The following ATXN1 variants were observed in gnomAD, a reference collection of about 807,000 sequenced individuals.
ATXN1 encodes ataxin 1, also known as ataxin-1.
A neutral mutation model predicts 56.4 loss-of-function variants in ATXN1; 8 were observed. The observed-to-expected ratio is 0.14, with a 90% CI of 0.08 to 0.26. The LOEUF (loss-of-function observed/expected upper bound fraction) is 0.26, where lower values mean the gene tolerates loss of function less well. Among genes scored for constraint, ATXN1 ranks in the 10% least tolerant of loss-of-function variants. The pLI is 1.00. For missense variants in ATXN1, 987 were observed against 1,106.5 expected, an observed-to-expected ratio of 0.89 and a Z score of 1.53; for synonymous variants, 514 against 494.6, an observed-to-expected ratio of 1.04 and a Z score of -0.52.
At chr6:16,721,577 T>A (rs1759745989) in intron 2 of ATXN1, among the ~76,000 whole-genome samples, 1 of 152,128 alleles carries the variant, frequency 6.6e-6, no homozygotes, top group Non-Finnish European at 1.5e-5. Flanking sequence ...CAGTGAGCTA[T>A]GATCATGCCA....
chr6:16,306,472 T>C lies in ATXN1; in HGVS notation c.2305A>G (p.Thr769Ala), dbSNP rs1760252900. 1.2e-6 allele frequency: 2 copies of C among 1,614,108 alleles called. No individual in the cohort carries two copies. Among genetic ancestry groups the C allele is most frequent in the Admixed American group, 3.3e-5 (2 of 60,010 alleles). Residue 769 changes from threonine (T) to alanine (A), a missense_variant, in exon 8 of 8, where the codon ACG (threonine) becomes GCG (alanine). Coordinates refer to ENST00000436367, the MANE Select transcript of ATXN1 (RefSeq NM_001128164.2). This position sits in a 1 kb window ranked among gnomAD's most constrained non-coding sequence, Gnocchi z 5.2. ...GGCGCCGACCACCTCCTCTTCCTCGTTGCCGCGGGCTTGCTGGGTTCTATT... is the reference window on the plus strand; with the variant it reads ...GGCGCCGACCACCTCCTCTTCCTCGCTGCCGCGGGCTTGCTGGGTTCTATT... ...TKIEPSKPAA[T>A]RKRRWSAPES...
chr6:16,572,316 CAAT>C (rs1399920152), intron 4 of ATXN1, among the ~76,000 whole-genome samples: 2 of 152,126 alleles, frequency 1.3e-5, no homozygotes, highest in Non-Finnish European at 2.9e-5. Context: ...TGTTAAGAAA[CAAT>C]GATGTATAAT....
chr6:16,451,995 C>G (rs1005302012), intron 6 of ATXN1, among the ~76,000 whole-genome samples: 14 of 152,330 alleles, frequency 9.2e-5, no homozygotes, highest in African/African-American at 3.1e-4. Flanking sequence ...TGTGCCCTCA[C>G]TAGGGAAGTC....
At chr6:16,459,112 A>T (rs980409624) in intron 6 of ATXN1, among the ~76,000 whole-genome samples, 1 of 152,192 alleles carries the variant, frequency 6.6e-6, no homozygotes, top group Non-Finnish European at 1.5e-5. Context: ...TGCTCTTTTC[A>T]CATGCTTTTC....
At position 16,524,266 on chromosome 6, in the gene ATXN1, T is replaced by C. The variant is rs184495057; in HGVS notation, c.-360-1578A>G. Among the ~76,000 whole-genome samples the C allele has an allele frequency of 6.3e-4, 96 of 152,306 alleles. 1 individual carries two copies. The highest frequency in any genetic ancestry group is 5.7e-3 in the Admixed American group (87 of 15,308). On this transcript the variant is annotated intron_variant, in intron 4 of 7. Transcript: ENST00000436367. Reference sequence around the variant, plus strand: ...TGACACTTACTATGCAGTCAGACTATCCTAGGCTAGGTGGGGCTGCAAAGA... The same window carrying C: ...TGACACTTACTATGCAGTCAGACTACCCTAGGCTAGGTGGGGCTGCAAAGA...
intron 6 of ATXN1, among the ~76,000 whole-genome samples, chr6:16,460,127 C>A (rs1170676124): frequency 2.6e-5 from 4 of 152,138 alleles, no homozygotes; most frequent in Admixed American, 2.6e-4. Context: ...ATACTCTAAT[C>A]AAGGAGACCG....
chr6:16,532,387 T>C (rs931802868), intron 4 of ATXN1, among the ~76,000 whole-genome samples: 2 of 152,094 alleles, frequency 1.3e-5, no homozygotes, highest in Admixed American at 1.3e-4. Context: ...CAGTGGTAAG[T>C]CTCTACATAT....
At position 16,659,233 on chromosome 6, in the gene ATXN1, C is replaced by T. The variant is rs149499794; in HGVS notation, c.-614-1332G>A. ...TTTTATTTTTTGGATGCTATCAGTA[C>T]CCACAGAAAATGGGGTTGTAAGGAT... is the stretch of plus-strand genomic sequence containing the variant. On this transcript the variant is annotated intron_variant, in intron 2 of 7. Coordinates refer to ENST00000436367, the MANE Select transcript of ATXN1 (RefSeq NM_001128164.2). Among the ~76,000 whole-genome samples, 1,390 of 152,248 alleles carry T rather than the reference C, an allele frequency of 9.1e-3. 20 individuals are homozygous for T. Among genetic ancestry groups the T allele is most frequent in the African/African-American group, 0.031 (1,278 of 41,518 alleles).
chr6:16,576,280 A>G (rs934348702), intron 4 of ATXN1, among the ~76,000 whole-genome samples: 1 of 152,236 alleles, frequency 6.6e-6, no homozygotes, highest in East Asian at 1.9e-4. Flanking sequence ...GTATTTTCCA[A>G]ACAAAGCTGT....
chr6:16,617,774 A>AAAAAAAG (rs1554120384), intron 3 of ATXN1, among the ~76,000 whole-genome samples: 4 of 93,850 alleles, frequency 4.3e-5, no homozygotes, highest in Non-Finnish European at 9.2e-5. Flanking sequence ...CTCAAAAAAA[A>AAAAAAAG]AAAAAAAAGA....
At chr6:16,537,905 C>T (rs930477655) in intron 4 of ATXN1, among the ~76,000 whole-genome samples, 10 of 152,016 alleles carry the variant, frequency 6.6e-5, no homozygotes, top group African/African-American at 2.4e-4. Context: ...GAGTTTGAGA[C>T]CAGCCTGGCC....
At chr6:16,634,994 C>T (rs1763569492) in intron 3 of ATXN1, among the ~76,000 whole-genome samples, 2 of 152,148 alleles carry the variant, frequency 1.3e-5, no homozygotes, top group Non-Finnish European at 2.9e-5. Context: ...CCCTGGGCTA[C>T]AGACCTCCTG....
At chr6:16,652,099 A>G (rs1763904728) in intron 3 of ATXN1, 1 of 152,238 alleles carries the variant, frequency 6.6e-6, no homozygotes, top group Non-Finnish European at 1.5e-5. Flanking sequence ...TCTCTGAAGG[A>G]CTTAGACAAT....
At chr6:16,384,677 T>G (rs1047374267) in intron 6 of ATXN1, among the ~76,000 whole-genome samples, 7 of 152,222 alleles carry the variant, frequency 4.6e-5, no homozygotes, top group African/African-American at 1.2e-4. Context: ...TGAGTTCTCA[T>G]GAGATCTGGT....
intron 5 of ATXN1, among the ~76,000 whole-genome samples, chr6:16,520,515 T>C (rs1214290862): frequency 2.6e-5 from 4 of 152,128 alleles, no homozygotes; most frequent in Admixed American, 2.6e-4. Context: ...CTCAGACCCT[T>C]CTCTACCAGT....
chr6:16,678,257 C>CTTGGA (rs1581357024), intron 2 of ATXN1, among the ~76,000 whole-genome samples: 1 of 60,072 alleles, frequency 1.7e-5, no homozygotes, highest in East Asian at 3.3e-4. Flanking sequence ...TCTTGGATAT[C>CTTGGA]TATTTTAATT....
At chr6:16,467,516 G>A (rs929602582) in intron 6 of ATXN1, among the ~76,000 whole-genome samples, 4 of 152,128 alleles carry the variant, frequency 2.6e-5, no homozygotes, top group African/African-American at 9.7e-5. Flanking sequence ...GATGGAGGGA[G>A]CATTATAGAA....
chr6:16,429,721 G>C (rs1173244956), intron 6 of ATXN1, among the ~76,000 whole-genome samples: 1 of 152,122 alleles, frequency 6.6e-6, no homozygotes, highest in Admixed American at 6.5e-5. Context: ...CCTGGCTGGA[G>C]TTTTCTCTTA....
chr6:16,327,361 G>T lies in ATXN1; in HGVS notation c.950C>A (p.Ala317Asp). The T allele has an allele frequency of 6.2e-7, 1 of 1,613,456 alleles. No homozygotes were observed. Among genetic ancestry groups the T allele is most frequent in the Non-Finnish European group, 8.5e-7 (1 of 1,179,968 alleles). ...KKAESSRLQQ[A>D]IQAKEVLNGE... ...GTTCAGGACCTCCTTGGCCTGGATG[G>T]CCTGCTGCAGCCGGCTGCTCTCAGC... The change falls in exon 7 of 8, where the codon GCC (alanine) becomes GAC (aspartate). Residue 317 changes from alanine (A) to aspartate (D), a missense_variant. Ala to Asp is a moderately radical substitution (Grantham distance 126). Around this residue, in one of 3 missense-constraint regions of ATXN1, gnomAD observed 723 missense variants for 791.7 expected, o/e 0.91. Transcript: ENST00000436367.
Sources: gnomAD v4.1 joint callset for allele counts (sites outside exome capture counted in the v4.1 genomes callset) on GRCh38, gnomAD v4.1.1 for gene constraint, gnomAD v4.1.1 regional missense constraint, Gnocchi (gnomAD v3.1) non-coding constraint, MANE v1.5 for transcripts, NCBI Gene and HGNC (gene_info 2026-07-23, HGNC 2026-07-21) for gene names.